Variants in SPATA24 observed in about 807,000 individuals in gnomAD.
SPATA24 encodes the protein spermatogenesis-associated protein 24.
SPATA24 carries 21 observed loss-of-function variants against 28.9 expected under a neutral mutation model. That is an observed-to-expected ratio of 0.73 (90% confidence interval 0.52 to 1.05). The LOEUF (loss-of-function observed/expected upper bound fraction) is 1.05, where lower values mean the gene tolerates loss of function less well. Among genes scored for constraint, SPATA24 ranks in the 50% least tolerant of loss-of-function variants. The probability of loss-of-function intolerance (pLI) is 0.00; values close to 1 mark genes in which losing one functional copy is unlikely to be tolerated. For synonymous variants in SPATA24, 76 were observed against 89.9 expected, an observed-to-expected ratio of 0.85 and a Z score of 0.88; for missense variants, 215 against 242.9, an observed-to-expected ratio of 0.88 and a Z score of 0.76.
At chr5:139,393,576 G>A (rs1428934443), downstream of SPATA24, 1 of 1,550,954 alleles carries the variant, frequency 6.4e-7, no homozygotes, top group African/African-American at 1.4e-5. Context: ...CCTCCCACGG[G>A]AAGAAGGCCG....
intron 1 of SPATA24, 101 bp downstream of exon 1, chr5:139,403,843 T>G (rs1046421462): frequency 3.9e-6 from 4 of 1,022,958 alleles, no homozygotes; most frequent in Non-Finnish European, 4.4e-6. Flanking sequence ...CCATGGGCCA[T>G]GCGTTCTAGC....
intron 4 of SPATA24, among the ~76,000 whole-genome samples, chr5:139,401,265 C>G (rs1484272011): frequency 2.0e-5 from 3 of 152,214 alleles, no homozygotes; most frequent in Non-Finnish European, 2.9e-5. Context: ...TTGAGACCAG[C>G]CTGGGCAGCA....
downstream of SPATA24, chr5:139,394,654 G>A: frequency 6.5e-7 from 1 of 1,535,160 alleles, no homozygotes; most frequent in Non-Finnish European, 8.7e-7. Context: ...CGGCGGCAAG[G>A]GGCTGATGAA....
In SPATA24 at chr5:139,403,933, T is replaced by C. The variant is rs1038731188; in HGVS notation, c.117+11A>G. The C allele has an allele frequency of 3.2e-6, 5 of 1,549,740 alleles. No homozygotes were observed. Among genetic ancestry groups the C allele is most frequent in the Non-Finnish European group, 4.4e-6 (5 of 1,145,286 alleles). On this transcript the variant is annotated intron_variant, in intron 1 of 5. Coordinates refer to ENST00000450845, the MANE Select transcript of SPATA24 (RefSeq NM_194296.2). Reference sequence around the variant, plus strand: ...GGCCCCGCCTCTCCCCAAACTCCTCTGGCTGCATACCACGTTCCTCAGCTG... The same window carrying C: ...GGCCCCGCCTCTCCCCAAACTCCTCCGGCTGCATACCACGTTCCTCAGCTG...
In SPATA24 at chr5:139,396,942, C is replaced by T. The variant is rs374788785; in HGVS notation, c.489-13G>A. 6.2e-5 allele frequency: 96 copies of T among 1,551,498 alleles called. No individual in the cohort carries two copies. In the African/African-American group the frequency reaches 6.7e-4, roughly 11 times the overall value. On this transcript the variant is annotated splice_polypyrimidine_tract_variant and intron_variant, in intron 5 of 5. Transcript: ENST00000450845. ...AGACATGTGATTCCTGCAACGGAGC[C>T]GGCTGGTGGTGGGCTGTGGACAGCC...
rs758166212 is a variant in SPATA24 at position 139,402,679 on chromosome 5, G to A, written c.132C>T (p.Asp44=). 7.7e-6 allele frequency: 12 copies of A among 1,551,840 alleles called. No individual in the cohort carries two copies. The highest frequency in any genetic ancestry group is 2.0e-5 in the Admixed American group (1 of 51,010). ...ACTCTTCTTTACTGACAAAATTTTC[G>A]TCCTGGAGAACCATCTGCAACAGAG... is the stretch of plus-strand genomic sequence containing the variant. The part of the protein sequence containing the change: ...HQLRNVMVLQ[D]ENFVSKEEFQ... Residue 44 remains aspartate (D), a synonymous_variant, in exon 2 of 6, where the codon GAC becomes GAT. Transcript: ENST00000450845.
downstream of SPATA24, chr5:139,394,166 A>G: frequency 6.5e-7 from 1 of 1,546,336 alleles, no homozygotes; most frequent in African/African-American, 1.4e-5. Flanking sequence ...GCGGGGGCCG[A>G]ATTATCTCGT....
downstream of SPATA24, among the ~76,000 whole-genome samples, chr5:139,395,948 C>G (rs1758696354): frequency 2.6e-5 from 4 of 152,346 alleles, 1 homozygote; most frequent in South Asian, 8.3e-4. Context: ...AACTTCAGCC[C>G]CCACAGCCTT....
chr5:139,394,198 G>C, downstream of SPATA24: 2 of 1,548,424 alleles, frequency 1.3e-6, no homozygotes, highest in Middle Eastern at 3.3e-4. Context: ...CCGAGACTTA[G>C]CCTTCTCCAG....
At chr5:139,394,396 C>T (rs1032257177), downstream of SPATA24, 2 of 1,391,020 alleles carry the variant, frequency 1.4e-6, no homozygotes, top group African/African-American at 3.1e-5. Context: ...CAGGAGCAGC[C>T]GGGGGCGCGG....
downstream of SPATA24, chr5:139,395,394 C>T (rs935683260): frequency 2.2e-5 from 7 of 315,796 alleles, no homozygotes; most frequent in Non-Finnish European, 4.0e-5. Flanking sequence ...GGAGTTAGGC[C>T]CAACTCCACC....
intron 4 of SPATA24, chr5:139,401,429 T>TGTGTTC: frequency 3.3e-6 from 2 of 605,666 alleles, no homozygotes; most frequent in South Asian, 3.9e-5. Context: ...GTGCTTGCCC[T>TGTGTTC]GTGTTCCTCT....
At position 139,404,000 on chromosome 5, in the gene SPATA24, G is replaced by C. The variant is rs1430957586; in HGVS notation, c.61C>G (p.Gln21Glu). 1.3e-6 allele frequency: 2 copies of C among 1,551,886 alleles called. No homozygotes were observed. The highest frequency in any genetic ancestry group is 4.9e-5 in the East Asian group (2 of 40,910). ...TGAGACTCAATCACGTCCCGCAGTTGATCTAAAGCGAGACACACAGATCCT... is the reference window on the plus strand; with the variant it reads ...TGAGACTCAATCACGTCCCGCAGTTCATCTAAAGCGAGACACACAGATCCT... Reference protein sequence around the residue: ...GSGSVCLALDQLRDVIESQEE... With the variant: ...GSGSVCLALDELRDVIESQEE... Residue 21 changes from glutamine (Q) to glutamate (E), a missense_variant, in exon 1 of 6, where the codon CAA becomes GAA. Coordinates refer to ENST00000450845, the MANE Select transcript of SPATA24 (RefSeq NM_194296.2).
At chr5:139,393,465 A>C, downstream of SPATA24, 1 of 1,551,620 alleles carries the variant, frequency 6.4e-7, no homozygotes, top group South Asian at 1.2e-5. Context: ...GAGTTAACCC[A>C]TTCTGAGCTT....
chr5:139,398,668 G>T (rs1386264666), intron 4 of SPATA24, among the ~76,000 whole-genome samples: 5 of 152,084 alleles, frequency 3.3e-5, no homozygotes, highest in African/African-American at 1.2e-4. Context: ...TTACATAACT[G>T]CCCCACATGG....
chr5:139,392,806 T>G (rs1271820078), downstream of SPATA24: 5 of 1,497,542 alleles, frequency 3.3e-6, no homozygotes, highest in Non-Finnish European at 3.6e-6. The surrounding 1 kb of genome is among the most constrained non-coding windows in gnomAD (Gnocchi z 5.8). Flanking sequence ...ATCCCTGTTC[T>G]CTCCTCCAGG....
chr5:139,394,862 T>G (rs1055967236), downstream of SPATA24: 3 of 1,529,732 alleles, frequency 2.0e-6, no homozygotes, highest in Non-Finnish European at 2.6e-6. Flanking sequence ...TTCTGGGCGC[T>G]GACGGACAGG....
chr5:139,404,021 A>G lies in SPATA24; in HGVS notation c.40T>C (p.Ser14Pro), dbSNP rs1397902673. 6.4e-7 allele frequency: 1 copy of G among 1,551,810 alleles called. No homozygotes were observed. The highest frequency in any genetic ancestry group is 8.7e-7 in the Non-Finnish European group (1 of 1,147,026). ...AGTTGATCTAAAGCGAGACACACAG[A>G]TCCTGACCCCGCCTTCGACCACCCG... Reference protein sequence around the residue: ...PLGWSKAGSGSVCLALDQLRD... With the variant: ...PLGWSKAGSGPVCLALDQLRD... Residue 14 changes from serine (S) to proline (P), a missense_variant, in exon 1 of 6, where the codon TCT (serine) becomes CCT (proline). Transcript: ENST00000450845.
At chr5:139,393,385 G>A (rs968264707), downstream of SPATA24, 5 of 1,551,580 alleles carry the variant, frequency 3.2e-6, no homozygotes, top group Admixed American at 7.8e-5. Context: ...TTCCCGCGTG[G>A]ATGGACTCTG....
Sources: gnomAD v4.1 joint callset for allele counts (sites outside exome capture counted in the v4.1 genomes callset) on GRCh38, gnomAD v4.1.1 for gene constraint, Gnocchi (gnomAD v3.1) non-coding constraint, MANE v1.5 for transcripts, NCBI Gene and HGNC (gene_info 2026-07-23, HGNC 2026-07-21) for gene names.